The following RNLS variants were observed in gnomAD, a reference collection of about 807,000 sequenced individuals.
RNLS encodes renalase.
A neutral mutation model predicts 39.8 loss-of-function variants in RNLS; 39 were observed. The ratio of observed to expected loss-of-function variants is 0.98; its 90% confidence interval spans 0.76 to 1.28. The LOEUF is 1.28. RNLS is among the 50% of genes most tolerant of loss of function. RNLS has a pLI of 0.00. For missense variants in RNLS, 410 were observed against 413.3 expected (o/e 0.99, Z 0.07); for synonymous variants, 147 against 150.7 (o/e 0.98, Z 0.18).
intron 4 of RNLS, among the ~76,000 whole-genome samples, chr10:88,525,221 C>T (rs2134215341): frequency 6.6e-6 from 1 of 151,436 alleles, no homozygotes. Context: ...TCCTGATCAT[C>T]ACTAATATGA....
the RNLS span, among the ~76,000 whole-genome samples, chr10:88,229,235 A>T: frequency 6.6e-6 from 1 of 152,236 alleles, no homozygotes; most frequent in Non-Finnish European, 1.5e-5. Context: ...TCAAGTGCCT[A>T]AAATAAAGAA....
At chr10:88,280,355 AACTGCAAAGTTAT>A (rs1171015917), downstream of RNLS, among the ~76,000 whole-genome samples, 1 of 152,210 alleles carries the variant, frequency 6.6e-6, no homozygotes, top group African/African-American at 2.4e-5. Context: ...ATGTGTTCTT[AACTGCAAAGTTAT>A]AGGCTTGCCT....
intron 4 of RNLS, among the ~76,000 whole-genome samples, chr10:88,461,922 T>G (rs944317880): frequency 6.6e-6 from 1 of 152,112 alleles, no homozygotes; most frequent in Non-Finnish European, 1.5e-5. Flanking sequence ...TCCCAAAAGT[T>G]TTAAAATGTA....
chr10:88,238,723 A>T, the RNLS span, among the ~76,000 whole-genome samples: 1 of 152,338 alleles, frequency 6.6e-6, no homozygotes, highest in Non-Finnish European at 1.5e-5. Context: ...ATGTTTTATG[A>T]GGCTGGGAGT....
chr10:88,362,942 C>T (rs1042738915), intron 4 of RNLS, among the ~76,000 whole-genome samples: 1 of 152,120 alleles, frequency 6.6e-6, no homozygotes, highest in Non-Finnish European at 1.5e-5. Context: ...GCTGAAGGTC[C>T]ACATTCTTTG....
chr10:88,472,668 T>A (rs983269679), intron 4 of RNLS, among the ~76,000 whole-genome samples: 1 of 152,196 alleles, frequency 6.6e-6, no homozygotes, highest in African/African-American at 2.4e-5. Context: ...ATTCAACAAC[T>A]ATTTATTAGA....
intron 5 of RNLS, among the ~76,000 whole-genome samples, chr10:88,353,122 T>A (rs902106993): frequency 6.6e-6 from 1 of 152,228 alleles, no homozygotes; most frequent in Non-Finnish European, 1.5e-5. Context: ...TAGCGGTCTA[T>A]CAATTTTGCT....
intron 5 of RNLS, among the ~76,000 whole-genome samples, chr10:88,345,409 A>T (rs1238184760): frequency 1.3e-5 from 2 of 152,112 alleles, no homozygotes; most frequent in African/African-American, 4.8e-5. Flanking sequence ...ACTGCATCTA[A>T]CTTCATGTTC....
intron 4 of RNLS, among the ~76,000 whole-genome samples, chr10:88,461,727 T>C (rs1842941420): frequency 6.6e-6 from 1 of 152,020 alleles, no homozygotes; most frequent in African/African-American, 2.4e-5. Context: ...ACACAATATA[T>C]AAAGTAGGAG....
At chr10:88,235,151 C>T in the RNLS span, among the ~76,000 whole-genome samples, 12 of 151,258 alleles carry the variant, frequency 7.9e-5, no homozygotes, top group Admixed American at 2.6e-4. Context: ...GCCTGTAGTC[C>T]CAGCTACTAG....
At chr10:88,215,002 A>G in the RNLS span, among the ~76,000 whole-genome samples, 2 of 152,056 alleles carry the variant, frequency 1.3e-5, no homozygotes, top group African/African-American at 4.8e-5. Context: ...TTGCTATCCT[A>G]ATCCTTACAT....
chr10:88,443,946 C>T (rs1212919777), intron 4 of RNLS, among the ~76,000 whole-genome samples: 1 of 152,230 alleles, frequency 6.6e-6, no homozygotes, highest in Admixed American at 6.5e-5. Context: ...ACTTAAATGT[C>T]CCTGTCTGAC....
Position 88,545,558 on chromosome 10 carries a change from C to G in RNLS, c.526+27345G>C, listed in dbSNP as rs1012807065. ...ACAAGTACAGCACGGGAAAAACCTG[C>G]CCCCATGATTCAGTTACCTCCCACT... On this transcript the variant is annotated intron_variant, in intron 4 of 6. Transcript: ENST00000331772. 22 of 427,892 alleles carry G rather than the reference C, an allele frequency of 5.1e-5. No homozygotes were observed. In the East Asian group the frequency reaches 1.5e-3, roughly 29 times the overall value. The allele number at this position is 427,892 out of a possible 1,614,324, so 26.5% of individuals were successfully genotyped here. A position where few individuals can be genotyped will look rare whatever the true frequency, so the allele number is the denominator to read the frequency against.
At chr10:88,244,380 C>G in the RNLS span, among the ~76,000 whole-genome samples, 1 of 152,196 alleles carries the variant, frequency 6.6e-6, no homozygotes, top group Non-Finnish European at 1.5e-5. Context: ...CAACGCCCCC[C>G]CATAATATGA....
intron 4 of RNLS, among the ~76,000 whole-genome samples, chr10:88,372,531 G>A (rs745572067): frequency 2.6e-5 from 4 of 152,108 alleles, no homozygotes; most frequent in Non-Finnish European, 5.9e-5. Context: ...AAACCGAAAT[G>A]ACATTCAGTC....
chr10:88,286,770 C>T lies in RNLS; in HGVS notation c.877-1264G>A, dbSNP rs1030250834. ...TTCTGAGATCTTTGTTCTAGATAGG[C>T]TGAGTCAGTATATTCCCTTACAGTT... On this transcript the variant is annotated intron_variant, in intron 6 of 6. Transcript: ENST00000331772. 3.3e-5 allele frequency among the ~76,000 whole-genome samples: 5 copies of T among 149,370 alleles called. No homozygotes were observed. In the South Asian group the frequency reaches 1.1e-3, roughly 32 times the overall value.
At chr10:88,429,625 C>G (rs1855019763) in intron 4 of RNLS, among the ~76,000 whole-genome samples, 1 of 151,784 alleles carries the variant, frequency 6.6e-6, no homozygotes, top group Admixed American at 6.6e-5. Context: ...TCTATGTTTT[C>G]TTTTAGAAGT....
At chr10:88,441,669 T>C (rs1841721907) in intron 4 of RNLS, among the ~76,000 whole-genome samples, 1 of 152,208 alleles carries the variant, frequency 6.6e-6, no homozygotes, top group Admixed American at 6.5e-5. Flanking sequence ...GCTGCCTTTC[T>C]ATGGTATGTG....
At chr10:88,540,926 G>A (rs1233772765) in intron 4 of RNLS, among the ~76,000 whole-genome samples, 6 of 149,636 alleles carry the variant, frequency 4.0e-5, no homozygotes, top group South Asian at 4.2e-4. Context: ...TCCAGGTTTC[G>A]ATGTCACCAT....
Sources: allele counts gnomAD v4.1 joint callset (sites outside exome capture counted in the v4.1 genomes callset), GRCh38; gene constraint gnomAD v4.1.1; transcripts MANE v1.5; gene names NCBI Gene and HGNC (gene_info 2026-07-23, HGNC 2026-07-21).